The following PRELID2 variants were observed in gnomAD, a reference collection of about 807,000 sequenced individuals.
The protein encoded by PRELID2 is PRELI domain containing 2, also known as PRELI domain-containing protein 2.
PRELID2 carries 25 observed loss-of-function variants against 28.4 expected under a neutral mutation model. The ratio of observed to expected loss-of-function variants is 0.88; its 90% confidence interval spans 0.64 to 1.23. PRELID2 has a LOEUF of 1.23. PRELID2 is among the 50% of genes most tolerant of loss of function. The pLI, the probability that PRELID2 is intolerant of heterozygous loss-of-function variation, is 0.00. For missense variants in PRELID2, 201 were observed against 214.4 expected (o/e 0.94, Z 0.39); for synonymous variants, 76 against 71.6 (o/e 1.06, Z -0.31).
the PRELID2 span, among the ~76,000 whole-genome samples, chr5:145,360,092 G>T: frequency 6.6e-6 from 1 of 152,140 alleles, no homozygotes; most frequent in Admixed American, 6.6e-5. Flanking sequence ...TATATCACTA[G>T]GGAACCAGCC....
chr5:145,406,237 C>T, the PRELID2 span, among the ~76,000 whole-genome samples: 5 of 152,116 alleles, frequency 3.3e-5, no homozygotes, highest in Admixed American at 6.6e-5. Context: ...ATAAACTTCT[C>T]ATATTTGTAT....
At chr5:145,460,296 C>T in the PRELID2 span, among the ~76,000 whole-genome samples, 1 of 152,172 alleles carries the variant, frequency 6.6e-6, no homozygotes, top group African/African-American at 2.4e-5. Flanking sequence ...CCACCATGCA[C>T]ACCATCTTAT....
At chr5:145,603,451 T>C (rs1217660530) in intron 1 of PRELID2, among the ~76,000 whole-genome samples, 1 of 152,126 alleles carries the variant, frequency 6.6e-6, no homozygotes, top group Non-Finnish European at 1.5e-5. Context: ...CAACCTAAAA[T>C]GTTCTACCAA....
In PRELID2 at chr5:145,761,936, G is replaced by A. The variant is rs558847312; in HGVS notation, c.*11-1411C>T. On this transcript the variant is annotated intron_variant, in intron 6 of 6. Transcript: ENST00000683046. ...GAAATTAAAAAGTTCCATTAACATA[G>A]GCATATTTCAAACTTGACAAACTTT... Among the ~76,000 whole-genome samples, 8 of 151,382 alleles carry A rather than the reference G, an allele frequency of 5.3e-5. 1 individual carries two copies. The highest frequency in any genetic ancestry group is 1.9e-4 in the African/African-American group (8 of 41,178).
At chr5:145,249,262 A>G in the PRELID2 span, among the ~76,000 whole-genome samples, 3 of 152,306 alleles carry the variant, frequency 2.0e-5, no homozygotes, top group East Asian at 1.9e-4. Context: ...TTGTTAGTCA[A>G]TAACTATTTT....
the PRELID2 span, among the ~76,000 whole-genome samples, chr5:145,415,962 T>G: frequency 6.6e-6 from 1 of 152,142 alleles, no homozygotes; most frequent in Admixed American, 6.5e-5. Context: ...GACTTTTTAA[T>G]GATTGCCATT....
chr5:145,622,465 C>G (rs1309206915), intron 1 of PRELID2, among the ~76,000 whole-genome samples: 2 of 152,016 alleles, frequency 1.3e-5, no homozygotes, highest in African/African-American at 4.8e-5. Flanking sequence ...AGGAACAAAT[C>G]TGAGATACAA....
chr5:145,654,778 C>G (rs1370945084), intron 1 of PRELID2, among the ~76,000 whole-genome samples: 3 of 151,986 alleles, frequency 2.0e-5, no homozygotes, highest in African/African-American at 4.8e-5. Context: ...TATGACAAAC[C>G]CACAGCCAAT....
chr5:145,393,916 AACC>A, the PRELID2 span, among the ~76,000 whole-genome samples: 1 of 152,120 alleles, frequency 6.6e-6, no homozygotes, highest in Non-Finnish European at 1.5e-5. Flanking sequence ...ATACATTAAA[AACC>A]ACCAGATTTA....
intron 1 of PRELID2, among the ~76,000 whole-genome samples, chr5:145,604,748 G>GTTTTTTT (rs377653737): frequency 4.7e-4 from 51 of 108,932 alleles, no homozygotes; most frequent in East Asian, 8.3e-4. Context: ...GTTTTTTTTG[G>GTTTTTTT]TTTTTTTTTT....
At chr5:145,354,335 G>A in the PRELID2 span, among the ~76,000 whole-genome samples, 2 of 152,050 alleles carry the variant, frequency 1.3e-5, no homozygotes, top group Non-Finnish European at 2.9e-5. Context: ...CCCATTCTAT[G>A]TTTACATTTT....
At chr5:145,406,953 T>C in the PRELID2 span, among the ~76,000 whole-genome samples, 1 of 152,166 alleles carries the variant, frequency 6.6e-6, no homozygotes, top group African/African-American at 2.4e-5. Context: ...AGGGAAGCCA[T>C]TCCTGGCCTT....
At chr5:145,722,140 C>T (rs970064013) in intron 1 of PRELID2, among the ~76,000 whole-genome samples, 1 of 151,954 alleles carries the variant, frequency 6.6e-6, no homozygotes, top group African/African-American at 2.4e-5. Flanking sequence ...ATACATTTTC[C>T]TCTTTAGCAC....
chr5:145,419,603 T>G, the PRELID2 span, among the ~76,000 whole-genome samples: 3,788 of 149,322 alleles, frequency 0.025, 73 homozygotes, highest in South Asian at 0.077. Flanking sequence ...TAAATTTGTT[T>G]GAGTTCATTG....
chr5:145,459,494 C>A, the PRELID2 span, among the ~76,000 whole-genome samples: 1 of 152,222 alleles, frequency 6.6e-6, no homozygotes, highest in East Asian at 1.9e-4. Context: ...AGAATCTATT[C>A]TTCCACATAA....
the PRELID2 span, among the ~76,000 whole-genome samples, chr5:145,254,277 C>T: frequency 1.3e-5 from 2 of 152,028 alleles, no homozygotes; most frequent in African/African-American, 4.8e-5. Context: ...TTAACAATTG[C>T]CTTGCACACA....
At chr5:145,598,089 T>C (rs1053980995) in intron 1 of PRELID2, among the ~76,000 whole-genome samples, 14 of 152,092 alleles carry the variant, frequency 9.2e-5, no homozygotes, top group Admixed American at 5.9e-4. Context: ...TTTAGATAGG[T>C]AGGCTTTCAA....
chr5:145,711,857 G>A (rs551678769), intron 1 of PRELID2, among the ~76,000 whole-genome samples: 44 of 152,334 alleles, frequency 2.9e-4, no homozygotes, highest in African/African-American at 9.6e-4. Flanking sequence ...CCAGGGGCAG[G>A]ACTGAAGACC....
chr5:145,463,191 C>G, the PRELID2 span, among the ~76,000 whole-genome samples: 3 of 151,398 alleles, frequency 2.0e-5, no homozygotes, highest in Non-Finnish European at 4.4e-5. Context: ...TTAATTTTAC[C>G]GACATAATTT....
Sources: gnomAD v4.1 joint callset for allele counts (sites outside exome capture counted in the v4.1 genomes callset) on GRCh38, gnomAD v4.1.1 for gene constraint, MANE v1.5 for transcripts, NCBI Gene and HGNC (gene_info 2026-07-23, HGNC 2026-07-21) for gene names.